Variants in CSNK1G1 observed in about 807,000 individuals in gnomAD.
CSNK1G1 encodes casein kinase I isoform gamma-1.
A neutral mutation model predicts 59.6 loss-of-function variants in CSNK1G1; 22 were observed. The ratio of observed to expected loss-of-function variants is 0.37; its 90% CI spans 0.26 to 0.53. The LOEUF (loss-of-function observed/expected upper bound fraction) is 0.53, where lower values mean the gene tolerates loss of function less well. Among genes scored for constraint, CSNK1G1 ranks in the 20% least tolerant of loss-of-function variants. The probability of loss-of-function intolerance (pLI) is 0.89; values close to 1 mark genes in which losing one functional copy is unlikely to be tolerated. For missense variants in CSNK1G1, 384 were observed against 519.5 expected, an observed-to-expected ratio of 0.74 and a Z score of 2.54; for synonymous variants, 179 against 177.1, an observed-to-expected ratio of 1.01 and a Z score of -0.08.
intron 2 of CSNK1G1, among the ~76,000 whole-genome samples, chr15:64,269,597 G>A (rs1308784636): frequency 1.3e-5 from 2 of 150,964 alleles, no homozygotes; most frequent in African/African-American, 4.9e-5. Context: ...GGGTTCAAGC[G>A]ATTCTCCTGC....
chr15:64,272,546 T>C (rs1893378336), intron 2 of CSNK1G1, among the ~76,000 whole-genome samples: 1 of 152,120 alleles, frequency 6.6e-6, no homozygotes, highest in Non-Finnish European at 1.5e-5. Flanking sequence ...TGGGGGTATT[T>C]AGCCTGTTTA....
intron 2 of CSNK1G1, among the ~76,000 whole-genome samples, chr15:64,294,678 A>C (rs1286982350): frequency 2.6e-5 from 4 of 151,890 alleles, no homozygotes; most frequent in Admixed American, 6.6e-5. Flanking sequence ...TGGGAGGCCA[A>C]GGCAGGCAGA....
chr15:64,303,977 A>C lies in CSNK1G1; in HGVS notation c.-224-3254T>G, dbSNP rs531759070. ...CTGGGGGAAAATGTTCATAACACCTACTTGTAGAACAGAACAATCACTTTA... is the reference window on the plus strand; with the variant it reads ...CTGGGGGAAAATGTTCATAACACCTCCTTGTAGAACAGAACAATCACTTTA... On this transcript the variant is annotated intron_variant, in intron 1 of 11. Coordinates refer to ENST00000303052, the MANE Select transcript of CSNK1G1 (RefSeq NM_022048.5). Among the ~76,000 whole-genome samples, 11 of 151,762 alleles carry C rather than the reference A, an allele frequency of 7.2e-5. No individual in the cohort carries two copies. In the South Asian group the frequency reaches 2.3e-3, roughly 32 times the overall value.
chr15:64,287,159 G>A (rs1894472918), intron 2 of CSNK1G1, among the ~76,000 whole-genome samples: 1 of 152,120 alleles, frequency 6.6e-6, no homozygotes, highest in Non-Finnish European at 1.5e-5. Flanking sequence ...TTGGATCTGG[G>A]CTGTAGTTCC....
rs2082317860 is a variant in CSNK1G1 at position 64,216,881 on chromosome 15, G to A, written c.293-168C>T. On this transcript the variant is annotated intron_variant, in intron 4 of 11. Coordinates refer to ENST00000303052, the MANE Select transcript of CSNK1G1 (RefSeq NM_022048.5). The surrounding 1 kb of genome is among the most constrained non-coding windows in gnomAD (Gnocchi z 4.6). ...TCAAACTGAGCACAACAGCTTCAATGGGAACTAATAATGATGGGAAAGGCT... is the reference window on the plus strand; with the variant it reads ...TCAAACTGAGCACAACAGCTTCAATAGGAACTAATAATGATGGGAAAGGCT... Among the ~76,000 whole-genome samples the A allele has an allele frequency of 6.6e-6, 1 of 152,166 alleles. No individual in the cohort carries two copies. The highest frequency in any genetic ancestry group is 1.5e-5 in the Non-Finnish European group (1 of 68,024).
At chr15:64,180,552 T>C in intron 10 of CSNK1G1, 98 bp from the exon 11 acceptor site, 1 of 927,550 alleles carries the variant, frequency 1.1e-6, no homozygotes, top group Non-Finnish European at 1.7e-6. Context: ...GTCTGGAATG[T>C]TTGTTTTCCT....
chr15:64,190,736 T>G (rs932837341), intron 10 of CSNK1G1, among the ~76,000 whole-genome samples: 3 of 152,188 alleles, frequency 2.0e-5, no homozygotes, highest in African/African-American at 7.2e-5. Flanking sequence ...TTACTGACAT[T>G]GTCTATATCC....
At chr15:64,264,700 T>C (rs1892887744) in intron 2 of CSNK1G1, among the ~76,000 whole-genome samples, 2 of 152,246 alleles carry the variant, frequency 1.3e-5, no homozygotes, top group African/African-American at 4.8e-5. Flanking sequence ...ATCCCGGGGA[T>C]GTTAAGGATG....
chr15:64,308,910 A>G (rs1238377022), intron 1 of CSNK1G1, among the ~76,000 whole-genome samples: 1 of 140,660 alleles, frequency 7.1e-6, no homozygotes, highest in African/African-American at 2.6e-5. Flanking sequence ...AAAAAAAAAA[A>G]TCCTTACATG....
chr15:64,228,118 C>A (rs1019953333), intron 4 of CSNK1G1, among the ~76,000 whole-genome samples: 1 of 152,116 alleles, frequency 6.6e-6, no homozygotes, highest in Non-Finnish European at 1.5e-5. Context: ...CCCTCTCCCC[C>A]ATTATTTTAA....
Position 64,286,625 on chromosome 15 carries a change from A to G in CSNK1G1, c.181+13694T>C, listed in dbSNP as rs1894437879. On this transcript the variant is annotated intron_variant, in intron 2 of 11. Coordinates refer to ENST00000303052, the MANE Select transcript of CSNK1G1 (RefSeq NM_022048.5). ...CAAAAGCAGGGTCCATGTCTTATTT[A>G]TGATCTTTGTACCCCCAGGGCCTAG... Among the ~76,000 whole-genome samples, 3 of 152,262 alleles carry G rather than the reference A, an allele frequency of 2.0e-5. No homozygotes were observed. In the South Asian group the frequency reaches 6.2e-4, roughly 32 times the overall value.
chr15:64,298,412 C>T (rs62022677), intron 2 of CSNK1G1, among the ~76,000 whole-genome samples: 8,721 of 152,154 alleles, frequency 0.057, 763 homozygotes, highest in African/African-American at 0.19. Context: ...CAATTTATGA[C>T]ATAAAGAAAT....
chr15:64,255,341 C>T (rs1892318416), intron 3 of CSNK1G1, among the ~76,000 whole-genome samples: 1 of 152,136 alleles, frequency 6.6e-6, no homozygotes, highest in Admixed American at 6.6e-5. Context: ...TCCCAAAGTC[C>T]TGAGATTACA....
rs1004787011 is a variant in CSNK1G1 at position 64,188,461 on chromosome 15, C to G, written c.1108-8007G>C. 1 of 1,536,150 alleles carries G rather than the reference C, an allele frequency of 6.5e-7. No homozygotes were observed. The highest frequency in any genetic ancestry group is 8.7e-7 in the Non-Finnish European group (1 of 1,146,910). The stretch of plus-strand genomic sequence containing the variant: ...TGCCGGCTGGGCTGAATTTCCCACT[C>G]TCCTCGGCGCTCTGATGATACATTC... On this transcript the variant is annotated intron_variant, in intron 10 of 11. Transcript: ENST00000303052. The surrounding 1 kb of genome is among the most constrained non-coding windows in gnomAD (Gnocchi z 4.2).
chr15:64,197,700 A>G (rs1279377001), intron 10 of CSNK1G1, among the ~76,000 whole-genome samples: 1 of 152,188 alleles, frequency 6.6e-6, no homozygotes, highest in East Asian at 1.9e-4. Flanking sequence ...CTGCCAGACT[A>G]GTACCACATT....
At chr15:64,244,422 T>C (rs1056906825) in intron 4 of CSNK1G1, among the ~76,000 whole-genome samples, 9 of 147,534 alleles carry the variant, frequency 6.1e-5, no homozygotes, top group Non-Finnish European at 4.5e-5. Context: ...TGTTCATAGA[T>C]TGGAAGAATA....
Position 64,214,537 on chromosome 15 carries a change from C to CT in CSNK1G1, c.445-414_445-413insA, listed in dbSNP as rs2082286532. Among the ~76,000 whole-genome samples the CT allele has an allele frequency of 6.6e-6, 1 of 152,170 alleles. No individual in the cohort carries two copies. The highest frequency in any genetic ancestry group is 1.5e-5 in the Non-Finnish European group (1 of 68,038). On this transcript the variant is annotated intron_variant, in intron 5 of 11. Coordinates refer to ENST00000303052, the MANE Select transcript of CSNK1G1 (RefSeq NM_022048.5). The surrounding 1 kb of genome is among the most constrained non-coding windows in gnomAD (Gnocchi z 4.3). ...CACTGCTACATTCACCTTCTGCCCA[C>CT]ATCTTCTTATGCTTATTTGGACAAG...
chr15:64,302,982 C>T (rs967369182), intron 1 of CSNK1G1, among the ~76,000 whole-genome samples: 2 of 151,970 alleles, frequency 1.3e-5, no homozygotes, highest in African/African-American at 4.8e-5. Context: ...ACTAGTATAA[C>T]ATTAGATGGA....
intron 1 of CSNK1G1, among the ~76,000 whole-genome samples, chr15:64,338,700 CAAAAAAAAA>C (rs34206192): frequency 1.7e-3 from 55 of 31,534 alleles, no homozygotes; most frequent in Non-Finnish European, 1.9e-3. Context: ...AACTCGGTCT[CAAAAAAAAA>C]AAAAAAAAAA....
Sources: allele counts gnomAD v4.1 joint callset (sites outside exome capture counted in the v4.1 genomes callset), GRCh38; gene constraint gnomAD v4.1.1; non-coding constraint Gnocchi (gnomAD v3.1); transcripts MANE v1.5; gene names NCBI Gene and HGNC (gene_info 2026-07-23, HGNC 2026-07-21).